DGKB: variants seen among roughly 807,000 people sequenced by gnomAD.
The protein encoded by DGKB is 90 kDa diacylglycerol kinase.
In DGKB, 67 loss-of-function variants were observed where a neutral mutation model predicts 114.3. The observed-to-expected ratio is 0.59, with a 90% CI of 0.48 to 0.72. The LOEUF (loss-of-function observed/expected upper bound fraction) is 0.72, where lower values mean the gene tolerates loss of function less well. Ranked by LOEUF, DGKB falls within the 30% of genes least tolerant of loss-of-function variation. DGKB has a pLI of 0.00. For missense variants in DGKB, 907 were observed against 975.2 expected (o/e 0.93, Z 0.93); for synonymous variants, 398 against 323.1 (o/e 1.23, Z -2.49).
intron 20 of DGKB, among the ~76,000 whole-genome samples, chr7:14,524,391 G>A (rs191193344): frequency 1.2e-4 from 19 of 152,196 alleles, no homozygotes; most frequent in African/African-American, 2.6e-4. Flanking sequence ...ACTATCCCCC[G>A]TCTCTTGGGC....
intron 15 of DGKB, 120 bp downstream of exon 15, chr7:14,621,254 TGAAA>T (rs1305469313): frequency 7.9e-5 from 48 of 605,410 alleles, no homozygotes; most frequent in South Asian, 6.2e-4. Flanking sequence ...AAGATCTTTC[TGAAA>T]GAGTCTACTA....
chr7:14,725,760 C>G (rs1229134516), intron 5 of DGKB, among the ~76,000 whole-genome samples: 2 of 152,066 alleles, frequency 1.3e-5, no homozygotes, highest in African/African-American at 4.8e-5. Context: ...GTTGGCCAGG[C>G]TGGTCTCAAA....
At chr7:14,701,402 G>A (rs926322857) in intron 7 of DGKB, among the ~76,000 whole-genome samples, 1 of 152,110 alleles carries the variant, frequency 6.6e-6, no homozygotes, top group Non-Finnish European at 1.5e-5. Context: ...ATTCAGACAA[G>A]GCTGGTGCCT....
chr7:14,497,788 T>C (rs1456579087), intron 20 of DGKB, among the ~76,000 whole-genome samples: 2 of 151,950 alleles, frequency 1.3e-5, no homozygotes, highest in African/African-American at 4.8e-5. Context: ...ATAGGTGGGT[T>C]CAGCTGGTAT....
At chr7:14,578,922 A>G (rs1358092854) in intron 19 of DGKB, among the ~76,000 whole-genome samples, 2 of 152,194 alleles carry the variant, frequency 1.3e-5, no homozygotes, top group Non-Finnish European at 2.9e-5. Context: ...CCAAAGTCAT[A>G]GTACTCACTA....
At chr7:14,231,633 TG>T (rs1791869901) in intron 23 of DGKB, among the ~76,000 whole-genome samples, 1 of 151,826 alleles carries the variant, frequency 6.6e-6, no homozygotes, top group African/African-American at 2.4e-5. Context: ...TGTGTGTGAA[TG>T]TGTGTGTGTA....
At chr7:14,552,735 C>T (rs1306224027) in intron 20 of DGKB, among the ~76,000 whole-genome samples, 1 of 152,192 alleles carries the variant, frequency 6.6e-6, no homozygotes, top group Non-Finnish European at 1.5e-5. Flanking sequence ...CCTTTCTCTC[C>T]ACTAGGAAAA....
In DGKB at chr7:14,937,123, C is replaced by G. The variant is rs1240207050; in HGVS notation, c.-188+37573G>C. The stretch of plus-strand genomic sequence containing the variant: ...GCTACATTTTTTTCATTTTTATTGT[C>G]CATGTAATACATGTCTTCATGGCTT... On this transcript the variant is annotated intron_variant, in intron 1 of 4. Coordinates refer to the DGKB transcript ENST00000437998. Among the ~76,000 whole-genome samples, 3 of 150,582 alleles carry G rather than the reference C, an allele frequency of 2.0e-5. No individual in the cohort carries two copies. In the East Asian group the frequency reaches 5.9e-4, roughly 30 times the overall value.
chr7:14,481,830 G>A (rs1164940128), intron 20 of DGKB, among the ~76,000 whole-genome samples: 2 of 151,916 alleles, frequency 1.3e-5, no homozygotes, highest in African/African-American at 4.8e-5. Context: ...TTTCGGTGCT[G>A]TATTTGTTGA....
At chr7:14,557,370 C>G (rs1442238927) in intron 20 of DGKB, among the ~76,000 whole-genome samples, 2 of 151,982 alleles carry the variant, frequency 1.3e-5, no homozygotes, top group African/African-American at 4.8e-5. Context: ...GTATTTATTT[C>G]TTTCTGTTAA....
chr7:14,363,020 C>T lies in DGKB; in HGVS notation c.1836-17629G>A, dbSNP rs117020175. Reference sequence around the variant, plus strand: ...CATGGGGTTCATAAATGCCACCTTCCCCCTCTTGGAGCATTGTCATGAGAC... The same window carrying T: ...CATGGGGTTCATAAATGCCACCTTCTCCCTCTTGGAGCATTGTCATGAGAC... On this transcript the variant is annotated intron_variant, in intron 21 of 25. Coordinates refer to ENST00000402815, the MANE Select transcript of DGKB (RefSeq NM_001350709.2). 9.6e-3 allele frequency among the ~76,000 whole-genome samples: 1,458 copies of T among 152,180 alleles called. 24 individuals carry two copies. The highest frequency in any genetic ancestry group is 0.056 in the South Asian group (272 of 4,828).
intron 15 of DGKB, among the ~76,000 whole-genome samples, chr7:14,619,232 C>A (rs1467633518): frequency 6.6e-6 from 1 of 151,214 alleles, no homozygotes; most frequent in African/African-American, 2.4e-5. Context: ...GTCCCACTCA[C>A]AATTTTAGCT....
intron 21 of DGKB, among the ~76,000 whole-genome samples, chr7:14,362,489 C>T (rs1023824725): frequency 6.6e-6 from 1 of 151,910 alleles, no homozygotes; most frequent in Non-Finnish European, 1.5e-5. Context: ...ATTCTAGTTG[C>T]CAGAAATTCA....
chr7:14,598,532 T>C (rs543696080), intron 17 of DGKB, among the ~76,000 whole-genome samples: 1 of 152,302 alleles, frequency 6.6e-6, no homozygotes, highest in African/African-American at 2.4e-5. Flanking sequence ...TAGTCAATGA[T>C]ATCACTGGAG....
chr7:14,544,096 C>T (rs1327404836), intron 20 of DGKB, among the ~76,000 whole-genome samples: 2 of 152,058 alleles, frequency 1.3e-5, no homozygotes, highest in Non-Finnish European at 1.5e-5. Flanking sequence ...GAAAATATTC[C>T]TTGAGTTATA....
At chr7:14,181,298 T>C (rs867260515) in intron 23 of DGKB, among the ~76,000 whole-genome samples, 3 of 152,162 alleles carry the variant, frequency 2.0e-5, no homozygotes, top group Non-Finnish European at 2.9e-5. Context: ...CACTTTCAGG[T>C]CACTAAGGTT....
chr7:14,538,347 A>G (rs1449066612), intron 20 of DGKB, among the ~76,000 whole-genome samples: 1 of 152,186 alleles, frequency 6.6e-6, no homozygotes, highest in Non-Finnish European at 1.5e-5. Context: ...CATTTTTCCA[A>G]AAAAGATACA....
intron 15 of DGKB, chr7:14,621,154 T>A (rs1807566844): frequency 2.4e-6 from 1 of 419,514 alleles, no homozygotes; most frequent in Non-Finnish European, 4.2e-6. Flanking sequence ...CCAATTTGAG[T>A]TTAAATGGAG....
chr7:14,661,703 G>A (rs1331801936), intron 13 of DGKB, among the ~76,000 whole-genome samples: 10 of 151,382 alleles, frequency 6.6e-5, no homozygotes, highest in African/African-American at 9.7e-5. Context: ...TCCCATTACC[G>A]GGTATATACC....
Sources: gnomAD v4.1 joint callset for allele counts (sites outside exome capture counted in the v4.1 genomes callset) on GRCh38, gnomAD v4.1.1 for gene constraint, MANE v1.5 for transcripts, NCBI Gene and HGNC (gene_info 2026-07-23, HGNC 2026-07-21) for gene names.